The following OTOG variants were observed in gnomAD, a reference collection of about 807,000 sequenced individuals.
OTOG encodes the protein otogelin.
Under a neutral mutation model 313.8 loss-of-function variants are expected in OTOG, and 296 were observed. That is an observed-to-expected ratio of 0.94 (90% CI 0.86 to 1.04). OTOG has a LOEUF of 1.04. Ranked by LOEUF, OTOG falls within the 50% of genes least tolerant of loss-of-function variation. The pLI, the probability that OTOG is intolerant of heterozygous loss-of-function variation, is 0.00. For synonymous variants in OTOG, 1,533 were observed against 1,554.9 expected (o/e 0.99, Z 0.33); for missense variants, 3,948 against 3,840.1 (o/e 1.03, Z -0.74).
intron 39 of OTOG, 33 bp from the exon 40 acceptor site, chr11:17,629,100 A>G: frequency 6.5e-7 from 1 of 1,532,314 alleles, no homozygotes; most frequent in South Asian, 1.2e-5. Flanking sequence ...GAATGGATGG[A>G]CAAGCTGTGC....
intron 9 of OTOG, 54 bp downstream of exon 9, chr11:17,558,369 CT>C: frequency 6.5e-7 from 1 of 1,542,568 alleles, no homozygotes; most frequent in Admixed American, 2.0e-5. Context: ...TGCTATCCAA[CT>C]CTTCGAAAGC....
Position 17,613,350 on chromosome 11 carries a change from TTCCTTCCTTCCTTCCTTCCTTCCC to T in OTOG, c.6439-238_6439-215del, listed in dbSNP as rs539783738. On this transcript the variant is annotated intron_variant, in intron 38 of 55. Transcript: ENST00000399397. ...TGCCCTTCCTTCCTTCCTTCCTTCC[TTCCTTCCTTCCTTCCTTCCTTCCC>T]TCCTTCCTTCCTTCCTTCCTTCCTT... 0.03 allele frequency among the ~76,000 whole-genome samples: 3,174 copies of T among 105,630 alleles called. 152 individuals carry two copies. Among genetic ancestry groups the T allele is most frequent in the African/African-American group, 0.067 (2,069 of 31,020 alleles). 69.3% of individuals were successfully genotyped at this position (105,630 alleles called of 152,430 possible).
At chr11:17,585,800 C>A (rs1852780298) in intron 23 of OTOG, among the ~76,000 whole-genome samples, 1 of 148,572 alleles carries the variant, frequency 6.7e-6, no homozygotes, top group Admixed American at 6.6e-5. Flanking sequence ...CCTGTAGCAC[C>A]CTTTCTTTTC....
intron 24 of OTOG, 122 bp from the exon 25 acceptor site, chr11:17,591,328 T>C: frequency 4.5e-6 from 6 of 1,335,276 alleles, no homozygotes; most frequent in Non-Finnish European, 6.0e-6. Context: ...GAGGTTGGTG[T>C]TTGTTGACCT....
Position 17,596,858 on chromosome 11 carries a change from T to A in OTOG, c.3533T>A (p.Val1178Asp). ...VFEICHPVVD[V>D]TWFYSNCLTD... is the part of the protein sequence containing the mutation. ...ACTTCTGACCTTCTCCAGGTTGATG[T>A]CACTTGGTTTTACTCAAACTGCCTG... Residue 1178 changes from valine (V) to aspartate (D), a missense_variant, in exon 30 of 56, where the codon GTC (valine) becomes GAC (aspartate). Transcript: ENST00000399397. 1 of 1,551,140 alleles carries A rather than the reference T, an allele frequency of 6.4e-7. No homozygotes were observed. The highest frequency in any genetic ancestry group is 8.7e-7 in the Non-Finnish European group (1 of 1,147,102).
intron 40 of OTOG, among the ~76,000 whole-genome samples, chr11:17,631,237 T>TGG (rs1413519383): frequency 2.0e-5 from 3 of 152,164 alleles, no homozygotes; most frequent in African/African-American, 7.2e-5. Flanking sequence ...AGCAGACTTT[T>TGG]GGGGGGTAGC....
chr11:17,599,892 C>A (rs1020990060), intron 31 of OTOG, among the ~76,000 whole-genome samples, 195 bp downstream of exon 31: 1 of 152,148 alleles, frequency 6.6e-6, no homozygotes, highest in Non-Finnish European at 1.5e-5. Context: ...CTATCCTCAG[C>A]AGTTCCTGCA....
chr11:17,642,718 C>T (rs1475313575), intron 53 of OTOG, among the ~76,000 whole-genome samples: 1 of 152,186 alleles, frequency 6.6e-6, no homozygotes, highest in Admixed American at 6.5e-5. Flanking sequence ...GGGCGCACCT[C>T]AGAGAAAAGG....
intron 23 of OTOG, among the ~76,000 whole-genome samples, chr11:17,579,674 G>A (rs2134038474): frequency 6.6e-6 from 1 of 152,300 alleles, no homozygotes; most frequent in East Asian, 1.9e-4. Flanking sequence ...CATTTGAAGA[G>A]TATCTTTGTC....
intron 15 of OTOG, among the ~76,000 whole-genome samples, chr11:17,566,660 C>T (rs950752835): frequency 6.6e-6 from 1 of 152,206 alleles, no homozygotes; most frequent in Non-Finnish European, 1.5e-5. Flanking sequence ...CATCCATTTA[C>T]CTAATTGTTC....
At chr11:17,607,967 CA>C (rs1342491939) in intron 33 of OTOG, among the ~76,000 whole-genome samples, 5 of 152,246 alleles carry the variant, frequency 3.3e-5, no homozygotes, top group African/African-American at 1.2e-4. Flanking sequence ...AGGGAGAGAT[CA>C]GGGGTCCAGG....
chr11:17,606,135 G>C lies in OTOG; in HGVS notation c.4156G>C (p.Asp1386His), dbSNP rs876657939. The stretch of plus-strand genomic sequence containing the variant: ...CCGGGGCACACTCTTCCGCCTTCTG[G>C]GTAGGCGACCCCCTGCCATTGCCCT... ...FRRGTLFRLL[D>H]AKPSGAAYPI... The change falls in exon 33 of 56, where the codon GAT (aspartate) becomes CAT (histidine). Residue 1386 changes from aspartate to histidine, a missense_variant and splice_region_variant. Physicochemically the swap from Asp to His is moderately conservative, Grantham distance 81. Coordinates refer to ENST00000399397, the MANE Select transcript of OTOG (RefSeq NM_001292063.2). 1 of 1,527,136 alleles carries C rather than the reference G, an allele frequency of 6.5e-7. No individual in the cohort carries two copies. Among genetic ancestry groups the C allele is most frequent in the South Asian group, 1.2e-5 (1 of 80,848 alleles). 94.6% of individuals were successfully genotyped at this position (1,527,136 alleles called of 1,614,324 possible).
At chr11:17,608,260 C>A in intron 33 of OTOG, 36 bp from the exon 34 acceptor site, 1 of 1,403,310 alleles carries the variant, frequency 7.1e-7, no homozygotes, top group Non-Finnish European at 9.6e-7. Context: ...TGTGTCTTCA[C>A]CTGACCCAGA....
chr11:17,604,647 C>T (rs547527665), intron 32 of OTOG, among the ~76,000 whole-genome samples: 1 of 152,372 alleles, frequency 6.6e-6, no homozygotes, highest in Admixed American at 6.5e-5. Context: ...CCACAGCCCC[C>T]AGGATGGTGA....
rs1301454282 is a variant in OTOG at position 17,610,731 on chromosome 11, G to A, written c.5431G>A (p.Ala1811Thr). Residue 1811 changes from alanine (A) to threonine (T), a missense_variant, in exon 36 of 56, where the codon GCC becomes ACC. Physicochemically the swap from Ala to Thr is moderately conservative, Grantham distance 58 (BLOSUM62 0). Coordinates refer to ENST00000399397, the MANE Select transcript of OTOG (RefSeq NM_001292063.2). ...GLPPDTSLPL[A>T]KVGTSAPVAT... ...GCCTCCCGACACCAGCCTGCCCCTG[G>A]CCAAGGTGGGCACATCTGCCCCAGT... 4 of 1,549,930 alleles carry A rather than the reference G, an allele frequency of 2.6e-6. No individual in the cohort carries two copies. The highest frequency in any genetic ancestry group is 3.5e-6 in the Non-Finnish European group (4 of 1,146,990).
In OTOG at chr11:17,644,424, T is replaced by C. The variant is rs1848033046; in HGVS notation, c.8461+918T>C. ...CCAGAAGAAAAGATTCCATTCCATTTCTAAAGGGATTCCTGGGGTTACAGA... is the reference window on the plus strand; with the variant it reads ...CCAGAAGAAAAGATTCCATTCCATTCCTAAAGGGATTCCTGGGGTTACAGA... On this transcript the variant is annotated intron_variant, in intron 54 of 55. Coordinates refer to ENST00000399397, the MANE Select transcript of OTOG (RefSeq NM_001292063.2). Among the ~76,000 whole-genome samples the C allele has an allele frequency of 2.0e-5, 3 of 152,246 alleles. No individual in the cohort carries two copies. In the South Asian group the frequency reaches 6.2e-4, roughly 32 times the overall value.
At chr11:17,597,137 C>T (rs1380572967) in intron 30 of OTOG, 130 bp downstream of exon 30, 18 of 1,205,946 alleles carry the variant, frequency 1.5e-5, no homozygotes, top group Admixed American at 5.7e-5. Context: ...CTGCTTTGGG[C>T]GTGTTATTCA....
intron 28 of OTOG, 56 bp from the exon 29 acceptor site, chr11:17,595,982 C>T: frequency 8.1e-7 from 1 of 1,232,404 alleles, no homozygotes. Context: ...TCTGTCATGT[C>T]AGGCAACAGG....
At chr11:17,597,851 A>T (rs1299018458) in intron 30 of OTOG, among the ~76,000 whole-genome samples, 1 of 152,216 alleles carries the variant, frequency 6.6e-6, no homozygotes, top group Non-Finnish European at 1.5e-5. Flanking sequence ...CCCAAGCTCC[A>T]CTGAGTTGGC....
Sources: gnomAD v4.1 joint callset for allele counts (sites outside exome capture counted in the v4.1 genomes callset) on GRCh38, gnomAD v4.1.1 for gene constraint, MANE v1.5 for transcripts, NCBI Gene and HGNC (gene_info 2026-07-23, HGNC 2026-07-21) for gene names.